The following CLVS1 variants were observed in gnomAD, a reference collection of about 807,000 sequenced individuals.
CLVS1 encodes clavesin-1.
In CLVS1, 10 loss-of-function variants were observed where a neutral mutation model predicts 33.1. That is an observed-to-expected ratio of 0.30 (90% CI 0.19 to 0.51). CLVS1 has a LOEUF of 0.51. Ranked by LOEUF, CLVS1 falls within the 20% of genes least tolerant of loss-of-function variation. The probability of loss-of-function intolerance (pLI) is 0.97; values close to 1 mark genes in which losing one functional copy is unlikely to be tolerated. For synonymous variants in CLVS1, 163 were observed against 166.1 expected, an observed-to-expected ratio of 0.98 and a Z score of 0.14; for missense variants, 343 against 433.4, an observed-to-expected ratio of 0.79 and a Z score of 1.85.
chr8:61,366,686 G>T lies in CLVS1; in HGVS notation c.456-9919G>T, dbSNP rs16927198. Among the ~76,000 whole-genome samples, 598 of 152,300 alleles carry T rather than the reference G, an allele frequency of 3.9e-3. 13 individuals are homozygous for T. In the East Asian group the frequency reaches 0.077, roughly 20 times the overall value. ...GCATCTACTATGTATAGGTACTGGT[G>T]ATTGCCAGGGATTCAAAGGCAAATG... On this transcript the variant is annotated intron_variant, in intron 2 of 5. Transcript: ENST00000325897.
At chr8:61,484,584 A>G (rs1482047414) in intron 5 of CLVS1, among the ~76,000 whole-genome samples, 4 of 152,218 alleles carry the variant, frequency 2.6e-5, no homozygotes, top group Admixed American at 2.6e-4. Context: ...ACAGAATTGG[A>G]AAAAACTACT....
At chr8:61,412,359 G>C (rs1815262563) in intron 3 of CLVS1, among the ~76,000 whole-genome samples, 1 of 152,108 alleles carries the variant, frequency 6.6e-6, no homozygotes, top group Non-Finnish European at 1.5e-5. Context: ...GTACTGTGAA[G>C]GTTTGAAAAA....
At chr8:61,100,196 G>A (rs1187329448) in intron 1 of CLVS1, among the ~76,000 whole-genome samples, 1 of 152,102 alleles carries the variant, frequency 6.6e-6, no homozygotes, top group Non-Finnish European at 1.5e-5. Flanking sequence ...ATTTTTATTA[G>A]GCAGGACAAC....
intron 1 of CLVS1, among the ~76,000 whole-genome samples, chr8:61,063,555 G>T (rs1438655836): frequency 6.6e-6 from 1 of 152,324 alleles, no homozygotes. Flanking sequence ...GGACACAGGA[G>T]AATACGGCAG....
chr8:61,301,680 G>A (rs1466618976), intron 2 of CLVS1, among the ~76,000 whole-genome samples: 1 of 152,170 alleles, frequency 6.6e-6, no homozygotes, highest in African/African-American at 2.4e-5. Context: ...AAGTTAAGGA[G>A]CTCACTCATG....
chr8:61,126,895 G>A (rs1805983371), intron 1 of CLVS1, among the ~76,000 whole-genome samples: 1 of 152,212 alleles, frequency 6.6e-6, no homozygotes, highest in Non-Finnish European at 1.5e-5. Context: ...ATTCCCTTAA[G>A]TAGCACAGAA....
intron 2 of CLVS1, among the ~76,000 whole-genome samples, chr8:61,266,860 A>C (rs1206430521): frequency 2.6e-5 from 4 of 152,224 alleles, no homozygotes; most frequent in Non-Finnish European, 5.9e-5. Flanking sequence ...ATGGACTAAA[A>C]ATAGATTGCT....
At chr8:61,204,389 C>G (rs1807798651) in intron 2 of CLVS1, among the ~76,000 whole-genome samples, 1 of 152,136 alleles carries the variant, frequency 6.6e-6, no homozygotes, top group South Asian at 2.1e-4. Flanking sequence ...TTTCAGGAAG[C>G]AAATTATTGG....
intron 2 of CLVS1, among the ~76,000 whole-genome samples, chr8:61,345,197 C>T (rs1444069907): frequency 6.6e-6 from 1 of 152,194 alleles, no homozygotes; most frequent in Non-Finnish European, 1.5e-5. Context: ...CAAGATGAGG[C>T]AAGTTCCACT....
At chr8:61,317,056 G>C (rs1811037912) in intron 2 of CLVS1, among the ~76,000 whole-genome samples, 1 of 152,082 alleles carries the variant, frequency 6.6e-6, no homozygotes, top group African/African-American at 2.4e-5. Flanking sequence ...CACTTCATTA[G>C]GTTACTAAAT....
chr8:61,355,107 C>A (rs1812637134), intron 2 of CLVS1, among the ~76,000 whole-genome samples: 4 of 152,160 alleles, frequency 2.6e-5, no homozygotes, highest in Non-Finnish European at 5.9e-5. Flanking sequence ...CCACTTTCTG[C>A]TGAGCTATGA....
At chr8:60,971,071 C>CTTTTTTTTT in the CLVS1 span, among the ~76,000 whole-genome samples, 2 of 91,050 alleles carry the variant, frequency 2.2e-5, no homozygotes, top group African/African-American at 4.6e-5. Flanking sequence ...ATGACTTTTC[C>CTTTTTTTTT]TTTTTTTTTT....
At chr8:61,489,163 C>T (rs895762772) in intron 5 of CLVS1, among the ~76,000 whole-genome samples, 3 of 152,088 alleles carry the variant, frequency 2.0e-5, no homozygotes, top group Non-Finnish European at 2.9e-5. Flanking sequence ...TCATTTGCTG[C>T]GCCTAAAACA....
intron 2 of CLVS1, among the ~76,000 whole-genome samples, chr8:61,347,589 T>C (rs1812263560): frequency 6.9e-6 from 1 of 144,838 alleles, no homozygotes; most frequent in Non-Finnish European, 1.5e-5. Context: ...TAGATGTTTA[T>C]ACATGTTTAT....
chr8:61,266,572 C>T (rs886128576), intron 2 of CLVS1, among the ~76,000 whole-genome samples: 2 of 152,064 alleles, frequency 1.3e-5, no homozygotes, highest in Non-Finnish European at 1.5e-5. Flanking sequence ...CTGTTGAAAT[C>T]CTCTTTCATC....
intron 2 of CLVS1, among the ~76,000 whole-genome samples, chr8:61,170,419 A>G (rs539148085): frequency 6.6e-6 from 1 of 152,268 alleles, no homozygotes; most frequent in South Asian, 2.1e-4. Flanking sequence ...GTTAAAGGGT[A>G]TATATTTAGA....
Position 61,300,188 on chromosome 8 carries a change from G to A in CLVS1, c.361G>A (p.Ala121Thr). The A allele has an allele frequency of 6.2e-7, 1 of 1,614,012 alleles. No individual in the cohort carries two copies. Among genetic ancestry groups the A allele is most frequent in the Non-Finnish European group, 8.5e-7 (1 of 1,179,964 alleles). The change falls in exon 2 of 6, where the codon GCT (alanine) becomes ACT (threonine). Residue 121 changes from alanine (A) to threonine (T), a missense_variant. By Grantham distance (58) the Ala-to-Thr change is moderately conservative. Around this residue, in one of 4 missense-constraint regions of CLVS1, gnomAD observed 166 missense variants for 244.0 expected, o/e 0.68. Coordinates refer to ENST00000325897, the MANE Select transcript of CLVS1 (RefSeq NM_173519.3). The part of the protein sequence containing the change: ...FKADDPGIKR[A>T]LIDGFPGVLE... ...GGCAGATGATCCCGGCATTAAGAGG[G>A]CTCTGATCGATGGGTTCCCCGGGGT...
chr8:61,285,719 ACT>A (rs988950885), upstream of CLVS1, among the ~76,000 whole-genome samples: 2 of 151,960 alleles, frequency 1.3e-5, no homozygotes, highest in Non-Finnish European at 2.9e-5. Context: ...ACAGGTAAAG[ACT>A]CTATCCACGT....
At chr8:60,965,995 AG>A in the CLVS1 span, 2 of 172,380 alleles carry the variant, frequency 1.2e-5, no homozygotes, top group African/African-American at 4.8e-5. Context: ...TATTTTTAGT[AG>A]AGATGGGGTT....
Sources: allele counts gnomAD v4.1 joint callset (sites outside exome capture counted in the v4.1 genomes callset), GRCh38; gene constraint gnomAD v4.1.1; regional missense constraint gnomAD v4.1.1; transcripts MANE v1.5; gene names NCBI Gene and HGNC (gene_info 2026-07-23, HGNC 2026-07-21).